LEKR1: variants seen among roughly 807,000 people sequenced by gnomAD.
The protein encoded by LEKR1 is protein LEKR1.
A neutral mutation model predicts 72.4 loss-of-function variants in LEKR1; 59 were observed. The observed-to-expected ratio is 0.82, with a 90% CI of 0.66 to 1.01. The LOEUF (loss-of-function observed/expected upper bound fraction) is 1.01, where lower values mean the gene tolerates loss of function less well. LEKR1 is among the 50% of genes least tolerant of loss of function. The probability of loss-of-function intolerance (pLI) is 0.00; values close to 1 mark genes in which losing one functional copy is unlikely to be tolerated. For missense variants in LEKR1, 728 were observed against 759.2 expected (o/e 0.96, Z 0.48); for synonymous variants, 257 against 263.2 (o/e 0.98, Z 0.23).
In LEKR1 at chr3:157,010,210, T is replaced by C. The variant is rs567889918; in HGVS notation, c.1110-1203T>C. On this transcript the variant is annotated intron_variant, in intron 9 of 12. Transcript: ENST00000356539. ...TCTATTTTTTTTTGTTTTCCATTGA[T>C]TACAACTCTGATATTTTTTACTTTC... is the stretch of plus-strand genomic sequence containing the variant. 2.6e-5 allele frequency among the ~76,000 whole-genome samples: 4 copies of C among 152,164 alleles called. No homozygotes were observed. The South Asian group carries it at 8.3e-4, about 32-fold the overall frequency.
At chr3:157,031,939 C>G (rs527495989) in intron 12 of LEKR1, among the ~76,000 whole-genome samples, 1 of 151,524 alleles carries the variant, frequency 6.6e-6, no homozygotes, top group Non-Finnish European at 1.5e-5. Context: ...CAGCAAGGGT[C>G]GCAAAGCAGA....
intron 4 of LEKR1, 134 bp from the exon 5 acceptor site, chr3:156,927,295 T>TA: frequency 3.8e-6 from 1 of 262,108 alleles, no homozygotes; most frequent in Non-Finnish European, 7.1e-6. Context: ...ATAATATGAA[T>TA]ACCACCTTCT....
intron 6 of LEKR1, among the ~76,000 whole-genome samples, chr3:156,962,496 T>C (rs998924010): frequency 1.2e-4 from 19 of 152,194 alleles, no homozygotes; most frequent in Non-Finnish European, 2.9e-5. Flanking sequence ...TAACTAAAAT[T>C]CTAAGAAATC....
chr3:157,041,501 C>G (rs972317718), intron 12 of LEKR1, among the ~76,000 whole-genome samples: 1 of 152,026 alleles, frequency 6.6e-6, no homozygotes, highest in Admixed American at 6.6e-5. Flanking sequence ...TTGATCTGAC[C>G]CTGCTCACTC....
At chr3:156,882,312 A>AC (rs1346484928) in intron 3 of LEKR1, among the ~76,000 whole-genome samples, 4 of 151,026 alleles carry the variant, frequency 2.6e-5, no homozygotes, top group African/African-American at 9.7e-5. Context: ...CAAGAAAAAA[A>AC]CAAACAACCC....
chr3:156,901,227 T>C (rs75080926), intron 3 of LEKR1, among the ~76,000 whole-genome samples: 3 of 152,154 alleles, frequency 2.0e-5, no homozygotes, highest in Admixed American at 6.5e-5. Context: ...CTTTTTTTTT[T>C]CCTTCCTTCT....
intron 12 of LEKR1, among the ~76,000 whole-genome samples, chr3:157,032,741 T>C (rs566260855): frequency 2.0e-5 from 3 of 152,262 alleles, no homozygotes; most frequent in South Asian, 2.1e-4. Context: ...GGCTCAGGAA[T>C]TGGAGAAACT....
chr3:156,887,488 A>G (rs1253097314), intron 3 of LEKR1, among the ~76,000 whole-genome samples: 2 of 152,146 alleles, frequency 1.3e-5, no homozygotes, highest in South Asian at 2.1e-4. Flanking sequence ...GTGTTCATAA[A>G]TATTATGAAC....
rs59061418 is a variant in LEKR1, at chr3:156,835,863, C to CTTTTT, written c.48+6511_48+6515dup. On this transcript the variant is annotated intron_variant, in intron 2 of 12. Coordinates refer to ENST00000356539, the MANE Select transcript of LEKR1 (RefSeq NM_001004316.3). ...TCCCCCCAAGTCTTGCTCTGTCTCA[C>CTTTTT]TTTTTTTTTTTTTTTTTTTTTTTTT... is the stretch of plus-strand genomic sequence containing the variant. 3.6e-3 allele frequency among the ~76,000 whole-genome samples: 201 copies of CTTTTT among 55,536 alleles called. 45 individuals are homozygous for CTTTTT. Among genetic ancestry groups the CTTTTT allele is most frequent in the African/African-American group, 5.3e-3 (79 of 14,794 alleles). 36.4% of individuals were successfully genotyped at this position (55,536 alleles called of 152,430 possible). A position where few individuals can be genotyped will look rare whatever the true frequency, so the allele number is the denominator to read the frequency against.
chr3:156,893,993 G>A (rs1384964297), intron 3 of LEKR1, among the ~76,000 whole-genome samples: 1 of 152,196 alleles, frequency 6.6e-6, no homozygotes, highest in African/African-American at 2.4e-5. Context: ...GAACTTAGAG[G>A]CTGAAGTGAA....
chr3:156,882,447 T>A (rs62275239), intron 3 of LEKR1, among the ~76,000 whole-genome samples: 9 of 152,046 alleles, frequency 5.9e-5, no homozygotes, highest in South Asian at 4.2e-4. Context: ...CAAAACCACA[T>A]TGAGATACCA....
chr3:156,947,494 G>A (rs1406624018), intron 6 of LEKR1, among the ~76,000 whole-genome samples: 1 of 151,114 alleles, frequency 6.6e-6, no homozygotes, highest in Non-Finnish European at 1.5e-5. Context: ...GTAAAAAAAT[G>A]CATTTAATGC....
At chr3:156,891,710 C>T (rs1278419990) in intron 3 of LEKR1, among the ~76,000 whole-genome samples, 1 of 152,134 alleles carries the variant, frequency 6.6e-6, no homozygotes, top group Non-Finnish European at 1.5e-5. Flanking sequence ...AGGAAAACAG[C>T]TGAAGCCTTA....
Position 156,968,125 on chromosome 3 carries a change from G to C in LEKR1, c.746-11069G>C, listed in dbSNP as rs1437333959. On this transcript the variant is annotated intron_variant, in intron 6 of 12. Transcript: ENST00000356539. Reference sequence around the variant, plus strand: ...TGCCCTAAAAGAGCTCCTGAAGGAAGCACTAAACATGGAAAGGAACAACCA... The same window carrying C: ...TGCCCTAAAAGAGCTCCTGAAGGAACCACTAAACATGGAAAGGAACAACCA... Among the ~76,000 whole-genome samples the C allele has an allele frequency of 2.6e-5, 4 of 152,086 alleles. No individual in the cohort carries two copies. In the East Asian group the frequency reaches 7.7e-4, roughly 29 times the overall value.
chr3:157,030,303 G>A (rs1485991372), intron 12 of LEKR1, among the ~76,000 whole-genome samples: 1 of 152,126 alleles, frequency 6.6e-6, no homozygotes, highest in Non-Finnish European at 1.5e-5. Context: ...CTCCAACATT[G>A]AGGATTACAT....
chr3:156,929,771 A>G lies in LEKR1; in HGVS notation c.559+2167A>G, dbSNP rs150362559. 3.6e-3 allele frequency among the ~76,000 whole-genome samples: 555 copies of G among 152,266 alleles called. 4 individuals carry two copies. The highest frequency in any genetic ancestry group is 6.3e-3 in the Non-Finnish European group (430 of 67,996). On this transcript the variant is annotated intron_variant, in intron 5 of 12. Coordinates refer to ENST00000356539, the MANE Select transcript of LEKR1 (RefSeq NM_001004316.3). Reference sequence around the variant, plus strand: ...CTTTCTATTACCTGGATATGGAAGGAAACTATTTTTACTCTGCATGTTCTG... The same window carrying G: ...CTTTCTATTACCTGGATATGGAAGGGAACTATTTTTACTCTGCATGTTCTG...
At chr3:156,833,106 T>G (rs1423869072) in intron 2 of LEKR1, among the ~76,000 whole-genome samples, 1 of 152,214 alleles carries the variant, frequency 6.6e-6, no homozygotes, top group Non-Finnish European at 1.5e-5. Context: ...AAAGTTGTTA[T>G]GTGTTTTGAC....
intron 6 of LEKR1, among the ~76,000 whole-genome samples, chr3:156,975,806 T>G (rs2321455): frequency 0.61 from 92,858 of 152,028 alleles, 29,528 homozygotes; most frequent in Admixed American, 0.73. Flanking sequence ...GTAAATTTTT[T>G]ATTGTTTCCA....
At chr3:157,027,113 T>A (rs59981665) in intron 11 of LEKR1, among the ~76,000 whole-genome samples, 8,915 of 152,238 alleles carry the variant, frequency 0.059, 347 homozygotes, top group African/African-American at 0.1. Context: ...AGGTGCTCAA[T>A]AGTCAATACT....
Sources: allele counts gnomAD v4.1 joint callset (sites outside exome capture counted in the v4.1 genomes callset), GRCh38; gene constraint gnomAD v4.1.1; transcripts MANE v1.5; gene names NCBI Gene and HGNC (gene_info 2026-07-23, HGNC 2026-07-21).